Variants in GRID2 observed in about 807,000 individuals in gnomAD.
The protein encoded by GRID2 is glutamate receptor ionotropic, delta-2.
In GRID2, 33 loss-of-function variants were observed where a neutral mutation model predicts 114.8. The ratio of observed to expected loss-of-function variants is 0.29; its 90% CI spans 0.22 to 0.38. The LOEUF is 0.38. Ranked by LOEUF, GRID2 falls within the 10% of genes least tolerant of loss-of-function variation. GRID2 has a pLI of 1.00. For missense variants in GRID2, 1,184 were observed against 1,257.7 expected (o/e 0.94, Z 0.89); for synonymous variants, 505 against 449.9 (o/e 1.12, Z -1.55).
At chr4:93,308,277 T>C (rs1365355657) in intron 8 of GRID2, among the ~76,000 whole-genome samples, 1 of 152,220 alleles carries the variant, frequency 6.6e-6, no homozygotes, top group African/African-American at 2.4e-5. Flanking sequence ...CTTATTTTTA[T>C]TGTTTCACCT....
rs146259601 is a variant in GRID2 at position 92,372,111 on chromosome 4, G to A, written c.88+67367G>A. ...AAAACTTGAATAGATGAGGAGTTAC[G>A]CATAGATAAGCAAAAAAATGTCGTT... On this transcript the variant is annotated intron_variant, in intron 1 of 15. Coordinates refer to ENST00000282020, the MANE Select transcript of GRID2 (RefSeq NM_001510.4). Among the ~76,000 whole-genome samples, 257 of 152,214 alleles carry A rather than the reference G, an allele frequency of 1.7e-3. 1 individual carries two copies. Among genetic ancestry groups the A allele is most frequent in the African/African-American group, 5.8e-3 (243 of 41,566 alleles).
rs146918540 is a variant in GRID2 at position 92,636,276 on chromosome 4, G to A, written c.244+45990G>A. On this transcript the variant is annotated intron_variant, in intron 2 of 15. Coordinates refer to ENST00000282020, the MANE Select transcript of GRID2 (RefSeq NM_001510.4). ...GGACTCCTCTGTTCATTCCTCTGTC[G>A]CAGGGTGACATAGTATAGAAGCCTT... Among the ~76,000 whole-genome samples, 526 of 151,344 alleles carry A rather than the reference G, an allele frequency of 3.5e-3. 3 individuals are homozygous for A. The highest frequency in any genetic ancestry group is 0.012 in the South Asian group (56 of 4,804).
intron 2 of GRID2, among the ~76,000 whole-genome samples, chr4:92,968,509 ATTTAC>A (rs747263429): frequency 1.9e-4 from 29 of 151,942 alleles, no homozygotes; most frequent in Admixed American, 5.9e-4. Context: ...GAACACATTT[ATTTAC>A]TTTAAGAGGA....
chr4:92,390,083 A>G (rs1730167677), intron 1 of GRID2, among the ~76,000 whole-genome samples: 1 of 152,144 alleles, frequency 6.6e-6, no homozygotes. Context: ...AACAAAGAGC[A>G]CAATTACAGA....
intron 14 of GRID2, among the ~76,000 whole-genome samples, chr4:93,671,986 A>G (rs937212009): frequency 6.6e-6 from 1 of 151,022 alleles, no homozygotes; most frequent in Admixed American, 6.6e-5. Context: ...AAAAATAATA[A>G]TGATAAAATA....
intron 8 of GRID2, among the ~76,000 whole-genome samples, chr4:93,368,826 A>G (rs367576365): frequency 3.3e-5 from 5 of 152,204 alleles, no homozygotes; most frequent in Non-Finnish European, 5.9e-5. Context: ...ACCTGGAAAA[A>G]TTTAAAGAGT....
intron 2 of GRID2, among the ~76,000 whole-genome samples, chr4:93,080,536 A>T (rs1729765107): frequency 6.6e-6 from 1 of 152,158 alleles, no homozygotes; most frequent in African/African-American, 2.4e-5. Flanking sequence ...ACCACACTGG[A>T]CTGAATAAAC....
In GRID2 at chr4:93,022,654, T is replaced by C. The variant is rs116297814; in HGVS notation, c.245-62341T>C. Among the ~76,000 whole-genome samples, 1,443 of 152,114 alleles carry C rather than the reference T, an allele frequency of 9.5e-3. 19 individuals are homozygous for C. Among genetic ancestry groups the C allele is most frequent in the African/African-American group, 0.033 (1,356 of 41,550 alleles). Reference sequence around the variant, plus strand: ...CACAAAATTGCATCTTAATTTACCCTTTGTCAACATAATAGATTTTAAAAT... The same window carrying C: ...CACAAAATTGCATCTTAATTTACCCCTTGTCAACATAATAGATTTTAAAAT... On this transcript the variant is annotated intron_variant, in intron 2 of 15. Transcript: ENST00000282020.
chr4:93,234,371 A>T (rs1040630777), intron 7 of GRID2, among the ~76,000 whole-genome samples: 1 of 152,090 alleles, frequency 6.6e-6, no homozygotes, highest in African/African-American at 2.4e-5. Flanking sequence ...CAAAGGAAAA[A>T]ATACGAGACA....
At chr4:92,836,071 T>G (rs1220742414) in intron 2 of GRID2, among the ~76,000 whole-genome samples, 2 of 152,178 alleles carry the variant, frequency 1.3e-5, no homozygotes, top group African/African-American at 4.8e-5. Flanking sequence ...CAGTATCTTC[T>G]TTTTGTAAAT....
At chr4:92,755,432 T>C (rs990815403) in intron 2 of GRID2, among the ~76,000 whole-genome samples, 2 of 151,982 alleles carry the variant, frequency 1.3e-5, no homozygotes, top group African/African-American at 2.4e-5. Context: ...AAGAATAAAA[T>C]AGATAAGCAG....
intron 2 of GRID2, among the ~76,000 whole-genome samples, chr4:92,707,975 T>G (rs1735035557): frequency 6.6e-6 from 1 of 151,996 alleles, no homozygotes; most frequent in East Asian, 1.9e-4. Context: ...AGAGAATGAA[T>G]GAGGGAATGA....
chr4:92,867,880 C>T (rs191715721), intron 2 of GRID2, among the ~76,000 whole-genome samples: 38 of 152,246 alleles, frequency 2.5e-4, no homozygotes, highest in Admixed American at 1.1e-3. Flanking sequence ...TTTAACAGAT[C>T]AGCAAACTGC....
At chr4:93,747,667 A>G (rs1259727530) in intron 14 of GRID2, among the ~76,000 whole-genome samples, 1 of 152,170 alleles carries the variant, frequency 6.6e-6, no homozygotes, top group Non-Finnish European at 1.5e-5. Context: ...CTATTGTTCA[A>G]GTAGGGAATA....
At chr4:93,233,981 T>C (rs1386616249) in intron 7 of GRID2, among the ~76,000 whole-genome samples, 1 of 152,158 alleles carries the variant, frequency 6.6e-6, no homozygotes, top group East Asian at 1.9e-4. Context: ...TTTTAAAACG[T>C]CTGCATACTT....
chr4:92,322,557 C>T (rs1047347477), intron 1 of GRID2, among the ~76,000 whole-genome samples: 17 of 151,918 alleles, frequency 1.1e-4, no homozygotes, highest in Non-Finnish European at 1.5e-5. Context: ...CTACTATATA[C>T]CCACAAAAAT....
chr4:92,912,618 C>T (rs966071550), intron 2 of GRID2, among the ~76,000 whole-genome samples: 6 of 151,694 alleles, frequency 4.0e-5, no homozygotes, highest in African/African-American at 1.2e-4. Context: ...TCAAGAAGTA[C>T]TTTAATATGA....
At chr4:93,415,324 T>G (rs535380692) in intron 9 of GRID2, among the ~76,000 whole-genome samples, 1 of 152,232 alleles carries the variant, frequency 6.6e-6, no homozygotes, top group African/African-American at 2.4e-5. Flanking sequence ...TTAGAGAATA[T>G]AATTTACTCA....
At chr4:93,235,195 C>T (rs897557399) in intron 7 of GRID2, among the ~76,000 whole-genome samples, 1 of 151,874 alleles carries the variant, frequency 6.6e-6, no homozygotes, top group African/African-American at 2.4e-5. Context: ...ATTTGATGTC[C>T]ACTGGTATTT....
Sources: gnomAD v4.1 joint callset for allele counts (sites outside exome capture counted in the v4.1 genomes callset) on GRCh38, gnomAD v4.1.1 for gene constraint, MANE v1.5 for transcripts, NCBI Gene and HGNC (gene_info 2026-07-23, HGNC 2026-07-21) for gene names.